TMEM74: variants seen among roughly 807,000 people sequenced by gnomAD.
TMEM74 encodes transmembrane protein 74.
A neutral mutation model predicts 18.1 loss-of-function variants in TMEM74; 13 were observed. That is an observed-to-expected ratio of 0.72 (90% CI 0.47 to 1.14). The LOEUF is 1.14. Ranked by LOEUF, TMEM74 falls within the 50% of genes most tolerant of loss-of-function variation. The pLI is 0.00. For synonymous variants in TMEM74, 159 were observed against 146.6 expected, an observed-to-expected ratio of 1.08 and a Z score of -0.61; for missense variants, 372 against 375.9, an observed-to-expected ratio of 0.99 and a Z score of 0.09.
At chr8:108,645,544 T>C (rs560190504) in intron 2 of TMEM74, among the ~76,000 whole-genome samples, 1 of 152,200 alleles carries the variant, frequency 6.6e-6, no homozygotes, top group East Asian at 1.9e-4. Context: ...TGATCAGAAA[T>C]CTGTGATCAG....
At chr8:108,756,692 GAAA>G (rs1186427449) in intron 1 of TMEM74, among the ~76,000 whole-genome samples, 129 of 103,928 alleles carry the variant, frequency 1.2e-3, no homozygotes, top group East Asian at 3.4e-3. Context: ...AAGAAAGAAA[GAAA>G]GAAGGAAGGA....
At chr8:108,662,737 C>G (rs1391523426) in intron 1 of TMEM74, among the ~76,000 whole-genome samples, 2 of 152,050 alleles carry the variant, frequency 1.3e-5, no homozygotes, top group African/African-American at 4.8e-5. Flanking sequence ...TGTTTTGACC[C>G]CACAATTTAT....
At chr8:108,734,377 C>A (rs1813724965) in intron 1 of TMEM74, among the ~76,000 whole-genome samples, 1 of 152,098 alleles carries the variant, frequency 6.6e-6, no homozygotes, top group Non-Finnish European at 1.5e-5. Flanking sequence ...CTTCCATAAT[C>A]AAGTGAGCCA....
intron 1 of TMEM74, among the ~76,000 whole-genome samples, chr8:108,756,309 C>T (rs1484951120): frequency 1.3e-5 from 2 of 151,836 alleles, no homozygotes; most frequent in Admixed American, 6.6e-5. Flanking sequence ...GGACGCCAAC[C>T]TGTCTTCTTC....
At chr8:108,631,793 A>C (rs1431432792) in intron 2 of TMEM74, among the ~76,000 whole-genome samples, 1 of 151,910 alleles carries the variant, frequency 6.6e-6, no homozygotes, top group Admixed American at 6.6e-5. Flanking sequence ...TATTTTTGTA[A>C]ATCAATCTCA....
intron 2 of TMEM74, among the ~76,000 whole-genome samples, chr8:108,635,337 A>G (rs1461540032): frequency 6.6e-6 from 1 of 151,620 alleles, no homozygotes; most frequent in Admixed American, 6.6e-5. Flanking sequence ...ATTATGTCCT[A>G]TCTGAGACTG....
At chr8:108,766,243 CTCTG>C (rs1385908101) in intron 1 of TMEM74, among the ~76,000 whole-genome samples, 13 of 151,608 alleles carry the variant, frequency 8.6e-5, no homozygotes, top group Non-Finnish European at 1.9e-4. Context: ...TTCTTTCTCT[CTCTG>C]TCTCTCTCTT....
At chr8:108,664,318 T>C (rs781103691) in intron 1 of TMEM74, among the ~76,000 whole-genome samples, 3 of 152,176 alleles carry the variant, frequency 2.0e-5, no homozygotes, top group Non-Finnish European at 2.9e-5. Flanking sequence ...TGTTTTGTAA[T>C]TCTCTTTGTG....
At chr8:108,662,934 C>T (rs949564750) in intron 1 of TMEM74, among the ~76,000 whole-genome samples, 1 of 152,080 alleles carries the variant, frequency 6.6e-6, no homozygotes, top group Admixed American at 6.6e-5. Flanking sequence ...TGGGGTGTAG[C>T]CTTGTAGTAT....
intron 1 of TMEM74, among the ~76,000 whole-genome samples, chr8:108,694,456 A>T (rs571812401): frequency 2.3e-3 from 344 of 152,358 alleles, no homozygotes; most frequent in Middle Eastern, 3.4e-3. Context: ...AATTTCATTT[A>T]TATGAAATAT....
At position 108,680,393 on chromosome 8, in the gene TMEM74, T is replaced by G. The variant is rs570666196; in HGVS notation, n.120-24956A>C. On this transcript the variant is annotated intron_variant and non_coding_transcript_variant, in intron 1 of 3. Coordinates refer to the TMEM74 transcript ENST00000518838. Reference sequence around the variant, plus strand: ...AAATCAATAAATGTAATCCAGCATATAAACAGAACCAAAGACAAAAACCAC... The same window carrying G: ...AAATCAATAAATGTAATCCAGCATAGAAACAGAACCAAAGACAAAAACCAC... Among the ~76,000 whole-genome samples the G allele has an allele frequency of 2.8e-3, 431 of 152,292 alleles. 1 individual carries two copies. The highest frequency in any genetic ancestry group is 1.0e-2 in the African/African-American group (414 of 41,564).
At chr8:108,767,477 A>G (rs1814122122) in intron 1 of TMEM74, among the ~76,000 whole-genome samples, 1 of 152,154 alleles carries the variant, frequency 6.6e-6, no homozygotes, top group Non-Finnish European at 1.5e-5. Flanking sequence ...TATAGGAAGG[A>G]TCCATTTTGA....
intron 1 of TMEM74, among the ~76,000 whole-genome samples, chr8:108,761,107 C>T (rs1054449323): frequency 2.6e-5 from 4 of 151,924 alleles, no homozygotes; most frequent in African/African-American, 4.8e-5. Flanking sequence ...TTCATCAATT[C>T]GTTCCTCCAT....
In TMEM74 at chr8:108,756,641, A is replaced by AG. The variant is rs1188100667; in HGVS notation, n.119+30834dup. ...AAGGAAGGAAGGAAGGAAGGAAGGAAGAAAGAAAGAGAAAGAAAGAAAGAA... is the reference window on the plus strand; with the variant it reads ...AAGGAAGGAAGGAAGGAAGGAAGGAAGGAAAGAAAGAGAAAGAAAGAAAGAA... On this transcript the variant is annotated intron_variant and non_coding_transcript_variant, in intron 1 of 3. Transcript: ENST00000518838. Among the ~76,000 whole-genome samples the AG allele has an allele frequency of 1.1e-3, 76 of 71,296 alleles. 1 individual carries two copies. Among genetic ancestry groups the AG allele is most frequent in the African/African-American group, 3.8e-3 (58 of 15,306 alleles). 46.8% of individuals were successfully genotyped at this position (71,296 alleles called of 152,430 possible). A position where few individuals can be genotyped will look rare whatever the true frequency, so the allele number is the denominator to read the frequency against.
chr8:108,670,597 C>T (rs1812994928), intron 1 of TMEM74, among the ~76,000 whole-genome samples: 1 of 152,100 alleles, frequency 6.6e-6, no homozygotes, highest in Non-Finnish European at 1.5e-5. Flanking sequence ...CTCAACTCCC[C>T]ACAAGATCTT....
intron 1 of TMEM74, among the ~76,000 whole-genome samples, chr8:108,657,367 T>C (rs1459157230): frequency 6.6e-6 from 1 of 151,954 alleles, no homozygotes; most frequent in Non-Finnish European, 1.5e-5. Flanking sequence ...CAGAAAATTG[T>C]CTGATCCTCC....
chr8:108,760,862 G>T (rs1563545015), intron 1 of TMEM74, among the ~76,000 whole-genome samples: 1 of 152,038 alleles, frequency 6.6e-6, no homozygotes, highest in South Asian at 2.1e-4. Context: ...GAAAAGAGAT[G>T]ATTTGTTTGC....
intron 1 of TMEM74, 91 bp from the exon 2 acceptor site, chr8:108,785,228 C>G: frequency 1.1e-6 from 1 of 931,348 alleles, no homozygotes; most frequent in African/African-American, 1.7e-5. Flanking sequence ...ATTTCCTTCA[C>G]AGCTGCACCT....
At chr8:108,668,601 C>T (rs1497631) in intron 1 of TMEM74, among the ~76,000 whole-genome samples, 67,097 of 151,846 alleles carry the variant, frequency 0.44, 15,191 homozygotes, top group East Asian at 0.69. Flanking sequence ...GCTGAGCACA[C>T]TTCAGTGACT....
Sources: allele counts gnomAD v4.1 joint callset (sites outside exome capture counted in the v4.1 genomes callset), GRCh38; gene constraint gnomAD v4.1.1; transcripts MANE v1.5; gene names NCBI Gene and HGNC (gene_info 2026-07-23, HGNC 2026-07-21).